ZNF345: variants seen among roughly 807,000 people sequenced by gnomAD.
The protein encoded by ZNF345 is zinc finger protein 345, also known as zinc finger protein HZF10.
For synonymous variants in ZNF345, 166 were observed against 187.9 expected, an observed-to-expected ratio of 0.88 and a Z score of 0.95; for missense variants, 527 against 589.9, an observed-to-expected ratio of 0.89 and a Z score of 1.10.
intron 3 of ZNF345, among the ~76,000 whole-genome samples, chr19:36,886,312 A>C (rs1456861388): frequency 2.0e-5 from 3 of 152,188 alleles, no homozygotes; most frequent in Non-Finnish European, 4.4e-5. Context: ...GGGAGAAAAG[A>C]CTAAATTTAC....
chr19:36,882,022 G>T (rs2072970945), downstream of ZNF345, among the ~76,000 whole-genome samples: 1 of 148,754 alleles, frequency 6.7e-6, no homozygotes, highest in Non-Finnish European at 1.5e-5. Flanking sequence ...CCTCTAAATT[G>T]ATTTGAAGGA....
chr19:36,876,475 T>TC (rs1425470355), intron 2 of ZNF345, among the ~76,000 whole-genome samples: 2 of 152,202 alleles, frequency 1.3e-5, no homozygotes, highest in African/African-American at 4.8e-5. Flanking sequence ...TACCAAGCTT[T>TC]CAAAGTCTGC....
chr19:36,872,965 T>C (rs912666587), intron 2 of ZNF345, among the ~76,000 whole-genome samples: 1 of 152,204 alleles, frequency 6.6e-6, no homozygotes, highest in Non-Finnish European at 1.5e-5. Flanking sequence ...TAGCACACTT[T>C]GTAGATTCTT....
Position 36,877,334 on chromosome 19 carries a change from CAGT to C in ZNF345, c.505_507del (p.Ser169del). 1 of 1,612,856 alleles carries C rather than the reference CAGT, an allele frequency of 6.2e-7. No homozygotes were observed. The highest frequency in any genetic ancestry group is 8.5e-7 in the Non-Finnish European group (1 of 1,179,722). On this transcript the variant is annotated inframe_deletion, in exon 3 of 3. Transcript: ENST00000420450. ...GCCTTATTCGACATCAGATCATTCA[CAGT>C]GGTGAGAAGCCTTATGAGTGTAAGG... is the stretch of plus-strand genomic sequence containing the variant.
At chr19:36,892,793 A>T in intron 3 of ZNF345, 1 of 564,080 alleles carries the variant, frequency 1.8e-6, no homozygotes, top group Non-Finnish European at 2.7e-6. Flanking sequence ...TTAAAAAAAA[A>T]AAATTTTTTT....
chr19:36,874,038 T>C (rs1448206442), intron 2 of ZNF345, among the ~76,000 whole-genome samples: 2 of 152,236 alleles, frequency 1.3e-5, no homozygotes, highest in South Asian at 2.1e-4. Context: ...GTTAGACTTT[T>C]ATGGGTACTT....
At chr19:36,871,704 T>C (rs2072774094) in intron 2 of ZNF345, among the ~76,000 whole-genome samples, 1 of 152,082 alleles carries the variant, frequency 6.6e-6, no homozygotes, top group Non-Finnish European at 1.5e-5. Context: ...GATTTGGTCA[T>C]TGGATCTCTT....
rs74858500 is a variant in ZNF345, at chr19:36,890,182, T to C, written c.47-2636T>C. ...TATTGATACTTGCTTTGTGGTCCAG[T>C]ATATGACCTATTTTTGAGAATGTTC... On this transcript the variant is annotated intron_variant, in intron 3 of 3. Coordinates refer to the ZNF345 transcript ENST00000526123. 2.0e-3 allele frequency: 309 copies of C among 152,326 alleles called. 3 individuals are homozygous for C. Among genetic ancestry groups the C allele is most frequent in the African/African-American group, 7.2e-3 (301 of 41,574 alleles). The allele number at this position is 152,326 out of a possible 1,614,324, so 9.4% of individuals were successfully genotyped here. A position where few individuals can be genotyped will look rare whatever the true frequency, so the allele number is the denominator to read the frequency against.
At chr19:36,874,929 A>C (rs1429483597) in intron 2 of ZNF345, among the ~76,000 whole-genome samples, 1 of 152,180 alleles carries the variant, frequency 6.6e-6, no homozygotes, top group Non-Finnish European at 1.5e-5. Flanking sequence ...AATGCACGTG[A>C]TCCACTTGAG....
intron 3 of ZNF345, among the ~76,000 whole-genome samples, chr19:36,885,306 A>G (rs2072990568): frequency 6.6e-6 from 1 of 151,342 alleles, no homozygotes; most frequent in Non-Finnish European, 1.5e-5. Flanking sequence ...AGCTTTTTTG[A>G]TATCTTGTAT....
intron 3 of ZNF345, chr19:36,891,875 T>A: frequency 6.2e-7 from 1 of 1,614,024 alleles, no homozygotes; most frequent in Non-Finnish European, 8.5e-7. Context: ...GAGTGTTGAG[T>A]AAAGGCTTTC....
chr19:36,872,507 C>CT (rs1274554202), intron 2 of ZNF345: 1 of 152,254 alleles, frequency 6.6e-6, no homozygotes, highest in Non-Finnish European at 1.5e-5. Flanking sequence ...TCTCGACCCT[C>CT]TCTTTTGCTT....
At position 36,878,741 on chromosome 19, in the gene ZNF345, C is replaced by T. The variant is rs2072941445; in HGVS notation, c.*444C>T. 6.0e-6 allele frequency: 1 copy of T among 167,386 alleles called. No homozygotes were observed. 10.4% of individuals were successfully genotyped at this position (167,386 alleles called of 1,614,324 possible). A position where few individuals can be genotyped will look rare whatever the true frequency, so the allele number is the denominator to read the frequency against. ...ATCCTAACACCATTTATTCAATAAC[C>T]TTGTCCATTTTCATATTTTTTTTAT... On this transcript the variant is annotated 3_prime_UTR_variant, in exon 3 of 3. Transcript: ENST00000420450.
downstream of ZNF345, among the ~76,000 whole-genome samples, chr19:36,879,796 G>A (rs581194): frequency 0.24 from 35,934 of 152,040 alleles, 5,902 homozygotes; most frequent in African/African-American, 0.46. Context: ...ATGGTAATGT[G>A]GGTAGAATCA....
chr19:36,852,008 C>T (rs1470703153), intron 2 of ZNF345, 104 bp downstream of exon 2: 2 of 152,094 alleles, frequency 1.3e-5, no homozygotes, highest in Non-Finnish European at 2.9e-5. Flanking sequence ...TGACCTGATC[C>T]CTGGAGTTTC....
chr19:36,885,264 A>C (rs922159995), intron 3 of ZNF345, among the ~76,000 whole-genome samples: 1 of 151,882 alleles, frequency 6.6e-6, no homozygotes, highest in Non-Finnish European at 1.5e-5. Flanking sequence ...ATGACTAATA[A>C]TGTTGAATAC....
intron 2 of ZNF345, among the ~76,000 whole-genome samples, chr19:36,865,874 T>C (rs1258638900): frequency 6.6e-6 from 1 of 152,206 alleles, no homozygotes; most frequent in Non-Finnish European, 1.5e-5. Flanking sequence ...GTGTTTCTTC[T>C]TACAGTAACT....
Position 36,877,731 on chromosome 19 carries a change from C to G in ZNF345, c.901C>G (p.Leu301Val). 1 of 1,613,932 alleles carries G rather than the reference C, an allele frequency of 6.2e-7. No homozygotes were observed. The highest frequency in any genetic ancestry group is 8.5e-7 in the Non-Finnish European group (1 of 1,179,952). Reference protein sequence around the residue: ...CGKAFNSGSDLTQHQRIHTGE... With the variant: ...CGKAFNSGSDVTQHQRIHTGE... ...GAAGGCTTTTAATAGTGGCTCAGATCTCACTCAGCATCAGAGAATTCACAC... is the reference window on the plus strand; with the variant it reads ...GAAGGCTTTTAATAGTGGCTCAGATGTCACTCAGCATCAGAGAATTCACAC... The change falls in exon 3 of 3, where the codon CTC becomes GTC. Residue 301 changes from leucine to valine, a missense_variant. Coordinates refer to ENST00000420450, the MANE Select transcript of ZNF345 (RefSeq NM_001242472.2).
chr19:36,855,280 C>T (rs1211228999), intron 2 of ZNF345, among the ~76,000 whole-genome samples: 1 of 150,774 alleles, frequency 6.6e-6, no homozygotes, highest in Non-Finnish European at 1.5e-5. Context: ...GTAGCTGGGA[C>T]TACAGGCCCC....
Sources: allele counts gnomAD v4.1 joint callset (sites outside exome capture counted in the v4.1 genomes callset), GRCh38; gene constraint gnomAD v4.1.1; transcripts MANE v1.5; gene names NCBI Gene and HGNC (gene_info 2026-07-23, HGNC 2026-07-21).